Variants in UNC13C observed in about 807,000 individuals in gnomAD.
UNC13C encodes the protein protein unc-13 homolog C.
In UNC13C, 174 loss-of-function variants were observed where a neutral mutation model predicts 245.4. That is an observed-to-expected ratio of 0.71 (90% confidence interval 0.63 to 0.80). The LOEUF is 0.80. Among genes scored for constraint, UNC13C ranks in the 30% least tolerant of loss-of-function variants. The pLI is 0.00. For synonymous variants in UNC13C, 992 were observed against 895.1 expected, an observed-to-expected ratio of 1.11 and a Z score of -1.93; for missense variants, 2,829 against 2,602.9, an observed-to-expected ratio of 1.09 and a Z score of -1.89.
At chr15:54,330,489 G>A (rs1156597586) in intron 14 of UNC13C, among the ~76,000 whole-genome samples, 2 of 151,962 alleles carry the variant, frequency 1.3e-5, no homozygotes, top group Non-Finnish European at 2.9e-5. Flanking sequence ...ATATAAGAGG[G>A]CCGATGATTT....
intron 2 of UNC13C, among the ~76,000 whole-genome samples, chr15:54,056,600 A>G (rs1897537830): frequency 6.6e-6 from 1 of 152,190 alleles, no homozygotes; most frequent in African/African-American, 2.4e-5. Flanking sequence ...AATTCAGGAA[A>G]TACAGAGAAC....
Position 54,546,661 on chromosome 15 carries a change from C to A in UNC13C, c.5697-61C>A, listed in dbSNP as rs140334696. On this transcript the variant is annotated intron_variant, in intron 26 of 32. Coordinates refer to ENST00000260323, the MANE Select transcript of UNC13C (RefSeq NM_001080534.3). ...ATTTAGCATTTGAAAATCGTAAAGG[C>A]CTAAATTGATACCTTGATCTGAAAT... 1,514 of 1,058,000 alleles carry A rather than the reference C, an allele frequency of 1.4e-3. 17 individuals are homozygous for A. The African/African-American group carries it at 0.024, about 17-fold the overall frequency. The allele number at this position is 1,058,000 out of a possible 1,614,324, so 65.5% of individuals were successfully genotyped here.
chr15:54,470,651 A>T (rs2141042174), intron 19 of UNC13C, among the ~76,000 whole-genome samples: 1 of 151,478 alleles, frequency 6.6e-6, no homozygotes, highest in African/African-American at 2.4e-5. Context: ...AGTCTAAGAA[A>T]AAAGCTAAGA....
chr15:54,400,870 C>T (rs1205311019), intron 18 of UNC13C, among the ~76,000 whole-genome samples: 1 of 152,016 alleles, frequency 6.6e-6, no homozygotes, highest in Non-Finnish European at 1.5e-5. Context: ...CATTTACATT[C>T]GGTATGTCTC....
the UNC13C span, among the ~76,000 whole-genome samples, chr15:53,883,646 A>G: frequency 6.6e-6 from 1 of 152,184 alleles, no homozygotes; most frequent in South Asian, 2.1e-4. Flanking sequence ...TTCTTTCCCA[A>G]GATTAGATTT....
intron 19 of UNC13C, among the ~76,000 whole-genome samples, chr15:54,447,978 T>C: frequency 1.3e-5 from 2 of 152,354 alleles, no homozygotes; most frequent in East Asian, 3.9e-4. Context: ...GTTGTGTCTT[T>C]GTTCTCATTG....
In UNC13C at chr15:54,349,993, CT is replaced by C. The variant is rs533725018; in HGVS notation, c.4713+11516del. Among the ~76,000 whole-genome samples, 1,335 of 145,756 alleles carry C rather than the reference CT, an allele frequency of 9.2e-3. 11 individuals are homozygous for C. The highest frequency in any genetic ancestry group is 0.029 in the African/African-American group (1,160 of 40,122). On this transcript the variant is annotated intron_variant, in intron 17 of 32. Transcript: ENST00000260323. Reference sequence around the variant, plus strand: ...TGTATATTAGCACAATAATATTTTCCTTTTTTTTTTTTGAGACGGAGTCTCA... The same window carrying C: ...TGTATATTAGCACAATAATATTTTCCTTTTTTTTTTTGAGACGGAGTCTCA...
chr15:54,264,069 A>T, intron 8 of UNC13C, 99 bp from the exon 9 acceptor site: 1 of 1,169,402 alleles, frequency 8.6e-7, no homozygotes, highest in Non-Finnish European at 1.2e-6. Context: ...GAATGAAAGC[A>T]CTCATTCATT....
the UNC13C span, among the ~76,000 whole-genome samples, chr15:53,957,613 A>C: frequency 6.6e-6 from 1 of 152,304 alleles, no homozygotes; most frequent in East Asian, 1.9e-4. Flanking sequence ...ATCCTCCCTT[A>C]TCTACCCTAA....
intron 10 of UNC13C, among the ~76,000 whole-genome samples, chr15:54,289,425 C>T (rs957861446): frequency 6.6e-6 from 1 of 152,026 alleles, no homozygotes; most frequent in Non-Finnish European, 1.5e-5. Context: ...CAAAATGTAT[C>T]GGCTTTCTAG....
At chr15:53,860,400 T>C in the UNC13C span, among the ~76,000 whole-genome samples, 2 of 152,164 alleles carry the variant, frequency 1.3e-5, no homozygotes, top group Non-Finnish European at 2.9e-5. Flanking sequence ...AAGTCATTGG[T>C]CCATCATCCT....
intron 4 of UNC13C, among the ~76,000 whole-genome samples, chr15:54,227,593 A>G (rs2035427619): frequency 6.6e-6 from 1 of 152,192 alleles, no homozygotes; most frequent in Admixed American, 6.5e-5. Flanking sequence ...GAGTGCACAC[A>G]CACCAGCCAA....
chr15:54,325,823 A>G (rs2038285900), intron 14 of UNC13C, among the ~76,000 whole-genome samples: 1 of 152,108 alleles, frequency 6.6e-6, no homozygotes, highest in South Asian at 2.1e-4. Flanking sequence ...AGAAGATAAA[A>G]AGAGAGATTG....
chr15:53,885,573 T>G, the UNC13C span, among the ~76,000 whole-genome samples: 1 of 152,292 alleles, frequency 6.6e-6, no homozygotes, highest in South Asian at 2.1e-4. Flanking sequence ...CATAAAATAG[T>G]TTTCCCTGGG....
chr15:54,344,845 G>C (rs2038823140), intron 17 of UNC13C, among the ~76,000 whole-genome samples: 1 of 152,054 alleles, frequency 6.6e-6, no homozygotes. Flanking sequence ...CTTCTACCCT[G>C]GCTCAAAACC....
rs977031120 is a variant in UNC13C, at chr15:54,627,809, G to GGTAA, written c.*699_*702dup. The GGTAA allele has an allele frequency of 7.2e-5, 11 of 152,420 alleles. No individual in the cohort carries two copies. Among genetic ancestry groups the GGTAA allele is most frequent in the South Asian group, 2.1e-4 (1 of 4,826 alleles). 9.4% of individuals were successfully genotyped at this position (152,420 alleles called of 1,614,324 possible). A position where few individuals can be genotyped will look rare whatever the true frequency, so the allele number is the denominator to read the frequency against. On this transcript the variant is annotated 3_prime_UTR_variant, in exon 33 of 33. Coordinates refer to ENST00000260323, the MANE Select transcript of UNC13C (RefSeq NM_001080534.3). The stretch of plus-strand genomic sequence containing the variant: ...AAGATCACATCACATTTGTAAAAAT[G>GGTAA]GTAAGTTAATGCATTTGTCATATAG...
At chr15:54,580,973 C>T (rs1161323276) in intron 30 of UNC13C, among the ~76,000 whole-genome samples, 3 of 152,134 alleles carry the variant, frequency 2.0e-5, no homozygotes, top group African/African-American at 7.2e-5. Flanking sequence ...GTACTGTGCA[C>T]AAAGCACTGT....
the UNC13C span, among the ~76,000 whole-genome samples, chr15:53,865,458 A>G: frequency 6.6e-6 from 1 of 152,196 alleles, no homozygotes; most frequent in Non-Finnish European, 1.5e-5. Context: ...TTTTGTGTGC[A>G]TGAGCCCCTG....
chr15:54,247,426 G>A (rs1056493754), intron 7 of UNC13C, among the ~76,000 whole-genome samples: 1 of 152,038 alleles, frequency 6.6e-6, no homozygotes, highest in East Asian at 1.9e-4. Context: ...CCTCTATTAT[G>A]AGATTATTTT....
Sources: gnomAD v4.1 joint callset for allele counts (sites outside exome capture counted in the v4.1 genomes callset) on GRCh38, gnomAD v4.1.1 for gene constraint, MANE v1.5 for transcripts, NCBI Gene and HGNC (gene_info 2026-07-23, HGNC 2026-07-21) for gene names.